LMBR1: variants seen among roughly 807,000 people sequenced by gnomAD.
LMBR1 encodes the protein limb region 1 protein homolog.
Under a neutral mutation model 73.9 loss-of-function variants are expected in LMBR1, and 52 were observed. That is an observed-to-expected ratio of 0.70 (90% CI 0.56 to 0.89). The LOEUF is 0.89. LMBR1 is among the 40% of genes least tolerant of loss of function. The probability of loss-of-function intolerance (pLI) is 0.00; values close to 1 mark genes in which losing one functional copy is unlikely to be tolerated. For missense variants in LMBR1, 539 were observed against 579.8 expected (o/e 0.93, Z 0.72); for synonymous variants, 215 against 209.4 (o/e 1.03, Z -0.23).
intron 4 of LMBR1, among the ~76,000 whole-genome samples, chr7:156,821,266 G>A (rs1055458910): frequency 1.1e-4 from 16 of 152,230 alleles, no homozygotes; most frequent in Admixed American, 9.8e-4. Flanking sequence ...CCGCTACGCT[G>A]CCTTCTCTCT....
chr7:156,867,172 ACAT>A, intron 1 of LMBR1, among the ~76,000 whole-genome samples: 1 of 152,394 alleles, frequency 6.6e-6, no homozygotes, highest in East Asian at 1.9e-4. Flanking sequence ...AAGATGCTCA[ACAT>A]CATTAGTCAT....
chr7:156,723,963 C>T (rs373321722), intron 15 of LMBR1, 149 bp downstream of exon 15: 10 of 575,754 alleles, frequency 1.7e-5, no homozygotes, highest in African/African-American at 5.7e-5. Flanking sequence ...TGCCCCTATA[C>T]ATAAAGTATA....
chr7:156,892,977 TC>T lies in LMBR1; in HGVS notation c.16del (p.Glu6ArgfsTer58). 6.5e-7 allele frequency: 1 copy of T among 1,540,734 alleles called. No homozygotes were observed. Among genetic ancestry groups the T allele is most frequent in the Admixed American group, 1.9e-5 (1 of 51,538 alleles). Reference protein sequence around the residue: MEGQDEVSAREQHFHS... With the variant: MEGQDXVSAREQHFHS... The stretch of plus-strand genomic sequence containing the variant: ...GAAGTGCTGCTCCCGCGCCGACACC[TC>T]GTCCTGCCCTTCCATCCTCCTTCAT... On this transcript the variant is annotated frameshift_variant, in exon 1 of 17. Transcript: ENST00000353442. LOFTEE classifies it high-confidence loss of function.
rs537282265 is a variant in LMBR1, at chr7:156,868,195, C to CT, written c.66+24732dup. ...TCTATAAATTTGAAAAGGAGATTTT[C>CT]TTTTTTTTTTTTTTTTGAGACGACG... On this transcript the variant is annotated intron_variant, in intron 1 of 16. Coordinates refer to ENST00000353442, the MANE Select transcript of LMBR1 (RefSeq NM_022458.4). Among the ~76,000 whole-genome samples, 945 of 138,620 alleles carry CT rather than the reference C, an allele frequency of 6.8e-3. 11 individuals are homozygous for CT. Among genetic ancestry groups the CT allele is most frequent in the African/African-American group, 0.016 (597 of 38,006 alleles). The allele number at this position is 138,620 out of a possible 152,430, so 90.9% of individuals were successfully genotyped here.
intron 4 of LMBR1, among the ~76,000 whole-genome samples, chr7:156,802,210 T>A (rs116081916): frequency 6.6e-6 from 1 of 152,182 alleles, no homozygotes. Flanking sequence ...CTTGAACCCC[T>A]GACCTCAGGT....
intron 9 of LMBR1, among the ~76,000 whole-genome samples, chr7:156,744,171 G>A (rs1819418178): frequency 6.6e-6 from 1 of 152,106 alleles, no homozygotes; most frequent in Admixed American, 6.5e-5. Flanking sequence ...CCGAGTAGCT[G>A]GGACTACAGG....
At chr7:156,849,556 G>A (rs1020579024) in intron 1 of LMBR1, among the ~76,000 whole-genome samples, 4 of 152,184 alleles carry the variant, frequency 2.6e-5, no homozygotes, top group Non-Finnish European at 5.9e-5. Flanking sequence ...AATGCTTGCT[G>A]CTAAGTGAAA....
intron 15 of LMBR1, among the ~76,000 whole-genome samples, chr7:156,716,070 G>A (rs141447277): frequency 6.6e-6 from 1 of 152,256 alleles, no homozygotes; most frequent in Non-Finnish European, 1.5e-5. Context: ...TTAACTAGAT[G>A]CTGTGAAAAA....
intron 1 of LMBR1, among the ~76,000 whole-genome samples, chr7:156,884,170 A>C (rs1801528903): frequency 6.6e-6 from 1 of 152,216 alleles, no homozygotes; most frequent in Non-Finnish European, 1.5e-5. Context: ...CGTGAGAAAA[A>C]GAAATGCAGC....
chr7:156,778,759 G>A (rs781638102), intron 5 of LMBR1, among the ~76,000 whole-genome samples: 18 of 152,228 alleles, frequency 1.2e-4, no homozygotes, highest in Non-Finnish European at 2.2e-4. Flanking sequence ...TGCCATGTGT[G>A]AGATTGTTAG....
chr7:156,824,634 G>A (rs989014344), intron 4 of LMBR1, among the ~76,000 whole-genome samples: 2 of 152,054 alleles, frequency 1.3e-5, no homozygotes, highest in Middle Eastern at 3.2e-3. Flanking sequence ...TTGAACCCAA[G>A]AGTTCAAAAC....
At chr7:156,718,527 A>C (rs1210662630) in intron 15 of LMBR1, among the ~76,000 whole-genome samples, 5 of 152,070 alleles carry the variant, frequency 3.3e-5, no homozygotes, top group Non-Finnish European at 7.4e-5. Flanking sequence ...AATTTGAGGC[A>C]AGCCTTGGCA....
At chr7:156,721,612 A>C (rs1356029226) in intron 15 of LMBR1, among the ~76,000 whole-genome samples, 1 of 152,172 alleles carries the variant, frequency 6.6e-6, no homozygotes, top group Non-Finnish European at 1.5e-5. Context: ...AACAGGCAGC[A>C]AAACAATGTT....
Position 156,830,981 on chromosome 7 carries a change from TA to T in LMBR1, c.179+2771del, listed in dbSNP as rs1836572614. 9.9e-5 allele frequency among the ~76,000 whole-genome samples: 15 copies of T among 152,238 alleles called. No homozygotes were observed. In the South Asian group the frequency reaches 3.1e-3, roughly 32 times the overall value. On this transcript the variant is annotated intron_variant, in intron 3 of 16. Transcript: ENST00000353442. ...AATAAACAATAAAACATTAAATATG[TA>T]AATGTATAATAAACTAAAGATGATA...
At chr7:156,792,667 T>C (rs1829423519) in intron 5 of LMBR1, among the ~76,000 whole-genome samples, 1 of 152,220 alleles carries the variant, frequency 6.6e-6, no homozygotes, top group South Asian at 2.1e-4. Flanking sequence ...GCCTAATATG[T>C]CCTGTTTGAA....
rs559790982 is a variant in LMBR1 at position 156,856,063 on chromosome 7, C to G, written c.67-19178G>C. 3.2e-3 allele frequency among the ~76,000 whole-genome samples: 492 copies of G among 151,976 alleles called. 1 individual carries two copies. Among genetic ancestry groups the G allele is most frequent in the Non-Finnish European group, 5.7e-3 (388 of 67,978 alleles). ...ACAAAAAATTAGCCGGGTGTGGTGG[C>G]GGGTGCCTGTAGTCCCAGCAACTCA... On this transcript the variant is annotated intron_variant, in intron 1 of 16. Coordinates refer to ENST00000353442, the MANE Select transcript of LMBR1 (RefSeq NM_022458.4).
intron 1 of LMBR1, among the ~76,000 whole-genome samples, chr7:156,862,933 G>A (rs911303868): frequency 6.6e-6 from 1 of 152,110 alleles, no homozygotes; most frequent in Non-Finnish European, 1.5e-5. Flanking sequence ...AACAGTTCTG[G>A]GTCTCCAGCT....
chr7:156,821,302 G>C (rs1007895939), intron 4 of LMBR1, among the ~76,000 whole-genome samples: 1 of 152,206 alleles, frequency 6.6e-6, no homozygotes, highest in Non-Finnish European at 1.5e-5. Flanking sequence ...CAGTCTCCTG[G>C]AGAGTTCCCT....
chr7:156,747,240 C>T (rs1222998352), intron 9 of LMBR1, among the ~76,000 whole-genome samples: 1 of 152,120 alleles, frequency 6.6e-6, no homozygotes, highest in South Asian at 2.1e-4. Context: ...GAGCCAATAA[C>T]TTTGATCAAG....
Sources: gnomAD v4.1 joint callset for allele counts (sites outside exome capture counted in the v4.1 genomes callset) on GRCh38, gnomAD v4.1.1 for gene constraint, MANE v1.5 for transcripts, NCBI Gene and HGNC (gene_info 2026-07-23, HGNC 2026-07-21) for gene names.